ARL6: variants seen among roughly 807,000 people sequenced by gnomAD.
ARL6 encodes the protein ADP-ribosylation factor-like protein 6.
A neutral mutation model predicts 27.1 loss-of-function variants in ARL6; 18 were observed. That is an observed-to-expected ratio of 0.66 (90% CI 0.46 to 0.98). The LOEUF (loss-of-function observed/expected upper bound fraction) is 0.98, where lower values mean the gene tolerates loss of function less well. Ranked by LOEUF, ARL6 falls within the 50% of genes least tolerant of loss-of-function variation. The pLI is 0.00. For synonymous variants in ARL6, 65 were observed against 72.3 expected (o/e 0.90, Z 0.51); for missense variants, 187 against 214.9 (o/e 0.87, Z 0.81).
In ARL6 at chr3:97,784,037, C is replaced by G. The variant is rs144799934; in HGVS notation, c.255-918C>G. Among the ~76,000 whole-genome samples the G allele has an allele frequency of 5.9e-4, 90 of 151,792 alleles. 1 individual carries two copies. The East Asian group carries it at 0.017, about 29-fold the overall frequency. On this transcript the variant is annotated intron_variant, in intron 4 of 7. Coordinates refer to ENST00000463745, the MANE Select transcript of ARL6 (RefSeq NM_001278293.3). Reference sequence around the variant, plus strand: ...CTTAGAAATGTTACTCCTAACATTTCTAATAAATCTTAAAGCATCAGAACT... The same window carrying G: ...CTTAGAAATGTTACTCCTAACATTTGTAATAAATCTTAAAGCATCAGAACT...
chr3:97,767,072 TTTTA>T (rs1355142529), intron 1 of ARL6, among the ~76,000 whole-genome samples: 2 of 152,142 alleles, frequency 1.3e-5, no homozygotes, highest in Admixed American at 6.6e-5. Context: ...TACACAGCAG[TTTTA>T]TTTGACTTCC....
rs1264226068 is a variant in ARL6, at chr3:97,798,827, T to C, written c.*778T>C. On this transcript the variant is annotated 3_prime_UTR_variant, in exon 8 of 8. Coordinates refer to ENST00000463745, the MANE Select transcript of ARL6 (RefSeq NM_001278293.3). ...TTATTTCATTGGCTGAATGAAAATA[T>C]TGCATCTTCAGATTAAGAGGTATAA... 1 of 152,084 alleles carries C rather than the reference T, an allele frequency of 6.6e-6. No homozygotes were observed. 9.4% of individuals were successfully genotyped at this position (152,084 alleles called of 1,614,324 possible).
intron 6 of ARL6, among the ~76,000 whole-genome samples, chr3:97,790,346 G>A (rs1026879711): frequency 3.3e-5 from 5 of 152,080 alleles, no homozygotes; most frequent in Non-Finnish European, 5.9e-5. Context: ...TGTACCTGGT[G>A]TGTTCCAGGA....
rs1318142291 is a variant in ARL6 at position 97,768,118 on chromosome 3, T to C, written c.11T>C (p.Leu4Pro). 6.2e-7 allele frequency: 1 copy of C among 1,613,098 alleles called. No individual in the cohort carries two copies. Among genetic ancestry groups the C allele is most frequent in the Admixed American group, 1.7e-5 (1 of 60,004 alleles). Residue 4 changes from leucine (L) to proline (P), a missense_variant, in exon 2 of 8, where the codon CTA becomes CCA. Leu to Pro is a moderately conservative substitution (Grantham distance 98). Coordinates refer to ENST00000463745, the MANE Select transcript of ARL6 (RefSeq NM_001278293.3). MGL[L>P]DRLSVLLGLK... is the part of the protein sequence containing the mutation. Reference sequence around the variant, plus strand: ...TATTTGAATCACATTATGGGATTGCTAGACAGACTTTCAGTCTTGCTTGGC... The same window carrying C: ...TATTTGAATCACATTATGGGATTGCCAGACAGACTTTCAGTCTTGCTTGGC...
At chr3:97,771,492 T>G (rs1490783036) in intron 2 of ARL6, among the ~76,000 whole-genome samples, 3 of 152,108 alleles carry the variant, frequency 2.0e-5, no homozygotes, top group African/African-American at 4.8e-5. Context: ...TTTCCAATAC[T>G]GATGACCTTC....
chr3:97,784,030 A>G (rs2037326971), intron 4 of ARL6, among the ~76,000 whole-genome samples: 1 of 151,982 alleles, frequency 6.6e-6, no homozygotes, highest in Non-Finnish European at 1.5e-5. Flanking sequence ...TGTTACTCCT[A>G]ACATTTCTAA....
chr3:97,776,730 C>G (rs1056091905), intron 2 of ARL6, among the ~76,000 whole-genome samples: 1 of 152,004 alleles, frequency 6.6e-6, no homozygotes, highest in Non-Finnish European at 1.5e-5. Flanking sequence ...AATCTTGGCT[C>G]ATTGCAACCT....
chr3:97,788,908 C>T (rs1175677251), intron 6 of ARL6, among the ~76,000 whole-genome samples: 3 of 152,100 alleles, frequency 2.0e-5, no homozygotes, highest in African/African-American at 4.8e-5. Context: ...ACCCACCTAC[C>T]TCTCTCTGCT....
At chr3:97,768,315 C>G in intron 2 of ARL6, 85 bp downstream of exon 2, 1 of 1,380,758 alleles carries the variant, frequency 7.2e-7, no homozygotes, top group Non-Finnish European at 1.0e-6. Context: ...ACGTTAAAAC[C>G]GCATATAATC....
chr3:97,795,347 G>T (rs185047758), intron 7 of ARL6, among the ~76,000 whole-genome samples: 1 of 152,126 alleles, frequency 6.6e-6, no homozygotes, highest in Non-Finnish European at 1.5e-5. Context: ...CTAATAAAGT[G>T]TATTCATTTT....
chr3:97,786,122 G>A (rs147545872), intron 5 of ARL6, among the ~76,000 whole-genome samples: 4 of 152,084 alleles, frequency 2.6e-5, no homozygotes, highest in South Asian at 2.1e-4. Flanking sequence ...GATTACAGGC[G>A]GGTGGATCAC....
chr3:97,766,388 C>T (rs2036383537), intron 1 of ARL6, among the ~76,000 whole-genome samples: 1 of 152,122 alleles, frequency 6.6e-6, no homozygotes, highest in Non-Finnish European at 1.5e-5. Flanking sequence ...AAGAAATGGA[C>T]TGAATAAGAT....
intron 2 of ARL6, among the ~76,000 whole-genome samples, chr3:97,777,816 A>G (rs1403378994): frequency 1.3e-5 from 2 of 152,182 alleles, no homozygotes; most frequent in African/African-American, 4.8e-5. Flanking sequence ...ACCCTAATTA[A>G]TTTGTGAAGT....
chr3:97,768,362 A>T (rs143954210), intron 2 of ARL6, 132 bp downstream of exon 2: 1 of 876,660 alleles, frequency 1.1e-6, no homozygotes, highest in Non-Finnish European at 1.7e-6. Context: ...AGTACCTTTA[A>T]GTATCCTCAG....
intron 5 of ARL6, among the ~76,000 whole-genome samples, chr3:97,785,820 A>G (rs2108058349): frequency 6.6e-6 from 1 of 152,248 alleles, no homozygotes; most frequent in South Asian, 2.1e-4. Flanking sequence ...AGCCTTCCTC[A>G]TGCCAAAAAA....
intron 2 of ARL6, 90 bp from the exon 3 acceptor site, chr3:97,780,069 T>C (rs905721383): frequency 1.1e-4 from 113 of 1,055,440 alleles, no homozygotes; most frequent in Non-Finnish European, 1.6e-4. Context: ...TAGTGACAGA[T>C]TTTAGAAACT....
chr3:97,793,622 G>A (rs919188520), intron 7 of ARL6, among the ~76,000 whole-genome samples: 5 of 152,246 alleles, frequency 3.3e-5, no homozygotes, highest in African/African-American at 9.6e-5. Context: ...CTAGGTGTCA[G>A]TAGCAATCCA....
At chr3:97,781,893 G>C (rs2037218718) in intron 4 of ARL6, among the ~76,000 whole-genome samples, 1 of 151,990 alleles carries the variant, frequency 6.6e-6, no homozygotes, top group South Asian at 2.1e-4. Context: ...ATAAGATTTA[G>C]ATTTAGATTA....
At chr3:97,794,219 T>TGTGTGTGTG (rs1400201926) in intron 7 of ARL6, among the ~76,000 whole-genome samples, 2 of 75,028 alleles carry the variant, frequency 2.7e-5, no homozygotes, top group Non-Finnish European at 5.7e-5. Flanking sequence ...GTGTGTGTGT[T>TGTGTGTGTG]TTTGAGATGG....
Sources: allele counts gnomAD v4.1 joint callset (sites outside exome capture counted in the v4.1 genomes callset), GRCh38; gene constraint gnomAD v4.1.1; transcripts MANE v1.5; gene names NCBI Gene and HGNC (gene_info 2026-07-23, HGNC 2026-07-21).